GRIK4: variants seen among roughly 807,000 people sequenced by gnomAD.
GRIK4 encodes the protein glutamate ionotropic receptor kainate type subunit 4.
Under a neutral mutation model 104.9 loss-of-function variants are expected in GRIK4, and 40 were observed. That is an observed-to-expected ratio of 0.38 (90% CI 0.30 to 0.50). GRIK4 has a LOEUF of 0.50. GRIK4 is among the 20% of genes least tolerant of loss of function. The probability of loss-of-function intolerance (pLI) is 0.93; values close to 1 mark genes in which losing one functional copy is unlikely to be tolerated. For synonymous variants in GRIK4, 485 were observed against 524.9 expected, an observed-to-expected ratio of 0.92 and a Z score of 1.04; for missense variants, 1,047 against 1,308.1, an observed-to-expected ratio of 0.80 and a Z score of 3.08.
intron 1 of GRIK4, among the ~76,000 whole-genome samples, chr11:120,589,314 G>A (rs946923941): frequency 3.9e-5 from 6 of 152,172 alleles, no homozygotes; most frequent in East Asian, 1.9e-4. Context: ...CAACCATAAC[G>A]CAGTTGGCAG....
At chr11:120,813,731 T>G (rs1218645369) in intron 4 of GRIK4, among the ~76,000 whole-genome samples, 3 of 152,192 alleles carry the variant, frequency 2.0e-5, no homozygotes, top group Non-Finnish European at 4.4e-5. Flanking sequence ...GTGGCAGGTG[T>G]GGCTTTACAG....
intron 13 of GRIK4, among the ~76,000 whole-genome samples, chr11:120,927,581 A>AG (rs1943378236): frequency 4.6e-5 from 7 of 150,670 alleles, no homozygotes; most frequent in South Asian, 2.1e-4. Flanking sequence ...AAAAAAAAAA[A>AG]AAAAAAAAGA....
chr11:120,855,375 G>A (rs1474830625), intron 8 of GRIK4, among the ~76,000 whole-genome samples: 1 of 152,224 alleles, frequency 6.6e-6, no homozygotes, highest in African/African-American at 2.4e-5. Flanking sequence ...GCAAACCTCA[G>A]CTCTCTCATG....
chr11:120,850,159 T>A (rs1439996840), intron 8 of GRIK4, among the ~76,000 whole-genome samples: 1 of 152,300 alleles, frequency 6.6e-6, no homozygotes, highest in East Asian at 1.9e-4. Flanking sequence ...GGCTTCCTCT[T>A]CTGCAAACAG....
intron 2 of GRIK4, among the ~76,000 whole-genome samples, chr11:120,657,420 C>A (rs1271786881): frequency 6.6e-6 from 1 of 152,206 alleles, no homozygotes; most frequent in Non-Finnish European, 1.5e-5. Context: ...GTTGCCTTCA[C>A]CCCCATCCTT....
intron 4 of GRIK4, among the ~76,000 whole-genome samples, chr11:120,804,672 T>C (rs1229927207): frequency 6.6e-6 from 1 of 152,222 alleles, no homozygotes; most frequent in African/African-American, 2.4e-5. Context: ...GGAAATAAGA[T>C]AGATGTGCTC....
intron 1 of GRIK4, among the ~76,000 whole-genome samples, chr11:120,520,863 A>G (rs993916871): frequency 2.0e-5 from 3 of 152,210 alleles, no homozygotes; most frequent in African/African-American, 7.2e-5. Context: ...TAAGATGACA[A>G]CAGAACAAGG....
chr11:120,569,920 A>G (rs557076007), intron 1 of GRIK4, among the ~76,000 whole-genome samples: 40 of 152,302 alleles, frequency 2.6e-4, no homozygotes, highest in Non-Finnish European at 5.7e-4. Context: ...TTGTATTTCC[A>G]GGCTGTTAGA....
intron 1 of GRIK4, among the ~76,000 whole-genome samples, chr11:120,536,934 G>A (rs919394301): frequency 2.6e-5 from 4 of 152,214 alleles, no homozygotes; most frequent in Admixed American, 6.5e-5. Context: ...CTGAGGAGGC[G>A]GCCAGGGGTT....
At chr11:120,571,612 G>C (rs894733059) in intron 1 of GRIK4, among the ~76,000 whole-genome samples, 1 of 151,970 alleles carries the variant, frequency 6.6e-6, no homozygotes, top group Non-Finnish European at 1.5e-5. Context: ...CTCCTCCTGT[G>C]GGGGCCCAGG....
At chr11:120,822,211 C>CAAAAAAA (rs34732807) in intron 6 of GRIK4, among the ~76,000 whole-genome samples, 4 of 71,662 alleles carry the variant, frequency 5.6e-5, no homozygotes, top group East Asian at 4.8e-4. Flanking sequence ...AACCCTATCT[C>CAAAAAAA]AAAAAAAAAA....
intron 1 of GRIK4, among the ~76,000 whole-genome samples, chr11:120,570,374 A>G (rs1206871703): frequency 1.3e-5 from 2 of 151,992 alleles, no homozygotes; most frequent in Non-Finnish European, 2.9e-5. Context: ...CTTTTTTCTG[A>G]GATTTCCACA....
chr11:120,769,139 A>G (rs1398900101), intron 3 of GRIK4, among the ~76,000 whole-genome samples: 1 of 152,172 alleles, frequency 6.6e-6, no homozygotes, highest in African/African-American at 2.4e-5. Context: ...AATGTTTGGT[A>G]GAATTCAGCT....
chr11:120,716,387 G>A (rs1191725623), intron 3 of GRIK4, among the ~76,000 whole-genome samples: 1 of 152,062 alleles, frequency 6.6e-6, no homozygotes, highest in African/African-American at 2.4e-5. Context: ...GGGATTACAG[G>A]CGCCTGCCAC....
intron 3 of GRIK4, among the ~76,000 whole-genome samples, chr11:120,715,716 G>T (rs1195927746): frequency 6.6e-6 from 1 of 152,198 alleles, no homozygotes; most frequent in Non-Finnish European, 1.5e-5. Flanking sequence ...TCCCGTGTTT[G>T]CAGCTTCATT....
intron 12 of GRIK4, among the ~76,000 whole-genome samples, chr11:120,900,556 T>C (rs910612996): frequency 6.6e-6 from 1 of 152,012 alleles, no homozygotes; most frequent in Non-Finnish European, 1.5e-5. Context: ...TGTCAAACAA[T>C]GAATTAGAAG....
chr11:120,971,901 A>T (rs1230712922), intron 19 of GRIK4, among the ~76,000 whole-genome samples: 2 of 152,212 alleles, frequency 1.3e-5, no homozygotes, highest in South Asian at 4.1e-4. Context: ...GGGTAAAGGT[A>T]CTTGGACTGC....
intron 3 of GRIK4, among the ~76,000 whole-genome samples, chr11:120,768,064 G>A (rs1015207699): frequency 2.0e-5 from 3 of 150,814 alleles, no homozygotes; most frequent in Non-Finnish European, 4.4e-5. Context: ...GGAAATTTTA[G>A]GGTTGTTTTT....
intron 1 of GRIK4, among the ~76,000 whole-genome samples, chr11:120,632,269 T>C (rs1018590871): frequency 1.3e-5 from 2 of 152,188 alleles, no homozygotes; most frequent in Admixed American, 6.5e-5. Flanking sequence ...AACCTGACCA[T>C]GTCGCACCTT....
Sources: allele counts gnomAD v4.1 joint callset (sites outside exome capture counted in the v4.1 genomes callset), GRCh38; gene constraint gnomAD v4.1.1; transcripts MANE v1.5; gene names NCBI Gene and HGNC (gene_info 2026-07-23, HGNC 2026-07-21).